The following GRM5 variants were observed in gnomAD, a reference collection of about 807,000 sequenced individuals.
The protein encoded by GRM5 is glutamate metabotropic receptor 5.
In GRM5, 19 loss-of-function variants were observed where a neutral mutation model predicts 83.1. The ratio of observed to expected loss-of-function variants is 0.23; its 90% CI spans 0.16 to 0.34. The LOEUF (loss-of-function observed/expected upper bound fraction) is 0.34, where lower values mean the gene tolerates loss of function less well. Among genes scored for constraint, GRM5 ranks in the 10% least tolerant of loss-of-function variants. The pLI is 1.00. For synonymous variants in GRM5, 675 were observed against 633.6 expected (o/e 1.07, Z -0.98); for missense variants, 1,160 against 1,588.3 (o/e 0.73, Z 4.58).
At chr11:88,948,561 C>A (rs1317448573) in intron 2 of GRM5, among the ~76,000 whole-genome samples, 4 of 152,084 alleles carry the variant, frequency 2.6e-5, no homozygotes, top group Admixed American at 2.0e-4. Flanking sequence ...TCTAACCTGG[C>A]GAAATGCAAG....
intron 2 of GRM5, among the ~76,000 whole-genome samples, chr11:89,011,819 T>C (rs1456143648): frequency 6.6e-6 from 1 of 152,200 alleles, no homozygotes; most frequent in Non-Finnish European, 1.5e-5. Context: ...ATAGATGCAA[T>C]TACTCTTAAT....
At chr11:89,050,161 A>T (rs1320943270) in intron 1 of GRM5, among the ~76,000 whole-genome samples, 2 of 152,208 alleles carry the variant, frequency 1.3e-5, no homozygotes, top group Non-Finnish European at 2.9e-5. Context: ...ATGTTAAAAC[A>T]CTAAGATATT....
chr11:88,784,203 G>A (rs1230677608), intron 3 of GRM5, among the ~76,000 whole-genome samples: 1 of 152,052 alleles, frequency 6.6e-6, no homozygotes, highest in East Asian at 1.9e-4. Context: ...GTGTTAGGCA[G>A]CAGCCTCATA....
intron 7 of GRM5, among the ~76,000 whole-genome samples, chr11:88,578,934 C>T (rs1943170362): frequency 6.6e-6 from 1 of 151,938 alleles, no homozygotes; most frequent in South Asian, 2.1e-4. Context: ...TTCACAATCA[C>T]TTCCATATTT....
rs57780254 is a variant in GRM5, at chr11:88,952,125, AAC to A, written c.661+95085_661+95086del. Reference sequence around the variant, plus strand: ...CTTCCACCATGTGCACATACAAACAAACACACACACACACACACACATTGCTA... The same window carrying A: ...CTTCCACCATGTGCACATACAAACAAACACACACACACACACACATTGCTA... On this transcript the variant is annotated intron_variant, in intron 2 of 9. Transcript: ENST00000305447. 8.9e-3 allele frequency among the ~76,000 whole-genome samples: 1,350 copies of A among 151,224 alleles called. 13 individuals are homozygous for A. The highest frequency in any genetic ancestry group is 0.024 in the African/African-American group (969 of 41,170).
intron 4 of GRM5, among the ~76,000 whole-genome samples, chr11:88,632,247 C>CT (rs35797493): frequency 0.57 from 62,726 of 110,916 alleles, 21,287 homozygotes; most frequent in South Asian, 0.79. Context: ...ACAGTATGTA[C>CT]TTTTTTTTTT....
rs142269100 is a variant in GRM5, at chr11:88,738,045, T to C, written c.912-84642A>G. On this transcript the variant is annotated intron_variant, in intron 3 of 9. Coordinates refer to ENST00000305447, the MANE Select transcript of GRM5 (RefSeq NM_001143831.3). ...ATCTAGTGAAAATAGATTTTTAAAATTCATGTATTCAGAGAGTATTTTTTG... is the reference window on the plus strand; with the variant it reads ...ATCTAGTGAAAATAGATTTTTAAAACTCATGTATTCAGAGAGTATTTTTTG... 1.9e-4 allele frequency among the ~76,000 whole-genome samples: 25 copies of C among 130,072 alleles called. No individual in the cohort carries two copies. The East Asian group carries it at 5.3e-3, about 28-fold the overall frequency. 85.3% of individuals were successfully genotyped at this position (130,072 alleles called of 152,430 possible). A position where few individuals can be genotyped will look rare whatever the true frequency, so the allele number is the denominator to read the frequency against.
chr11:89,064,880 CTCTCTCTCTG>C (rs1343312525), intron 1 of GRM5, among the ~76,000 whole-genome samples: 13 of 59,426 alleles, frequency 2.2e-4, no homozygotes, highest in Admixed American at 1.2e-3. Flanking sequence ...CTCTCTCTCT[CTCTCTCTCTG>C]TGTGTGTGTG....
chr11:88,709,252 G>C (rs1388807279), intron 3 of GRM5, among the ~76,000 whole-genome samples: 4 of 151,990 alleles, frequency 2.6e-5, no homozygotes, highest in Non-Finnish European at 5.9e-5. Context: ...AGCCATGTAA[G>C]GGATCATGTT....
At chr11:88,558,141 A>G (rs968777262) in intron 8 of GRM5, among the ~76,000 whole-genome samples, 5 of 152,158 alleles carry the variant, frequency 3.3e-5, no homozygotes, top group Non-Finnish European at 7.4e-5. Flanking sequence ...TGATTATTCT[A>G]AAAACTCTGG....
intron 9 of GRM5, 33 bp from the exon 10 acceptor site, chr11:88,509,537 G>A: frequency 6.4e-7 from 1 of 1,557,082 alleles, no homozygotes; most frequent in Non-Finnish European, 8.8e-7. Flanking sequence ...AGGTGACTCA[G>A]CGAGGTGCCC....
Position 88,906,347 on chromosome 11 carries a change from A to C in GRM5, c.662-56192T>G, listed in dbSNP as rs190595875. Among the ~76,000 whole-genome samples the C allele has an allele frequency of 4.4e-3, 673 of 152,280 alleles. 3 individuals carry two copies. The highest frequency in any genetic ancestry group is 0.025 in the South Asian group (121 of 4,822). ...GTAAGACATAGATTATTACTTTATT[A>C]GCCCTCCCCAAATTTTGAGGACATT... On this transcript the variant is annotated intron_variant, in intron 2 of 9. Coordinates refer to ENST00000305447, the MANE Select transcript of GRM5 (RefSeq NM_001143831.3).
chr11:89,008,607 A>G (rs926875449), intron 2 of GRM5, among the ~76,000 whole-genome samples: 3 of 152,270 alleles, frequency 2.0e-5, no homozygotes, highest in East Asian at 1.9e-4. Flanking sequence ...AAAGAACACA[A>G]TCATGTTGTT....
intron 2 of GRM5, among the ~76,000 whole-genome samples, chr11:89,008,428 T>C (rs1355487292): frequency 2.0e-5 from 3 of 152,150 alleles, no homozygotes. Flanking sequence ...TCCTGCAAAA[T>C]TGTTTTACCA....
intron 2 of GRM5, among the ~76,000 whole-genome samples, chr11:88,916,577 G>C (rs1197558916): frequency 6.6e-6 from 1 of 152,180 alleles, no homozygotes; most frequent in South Asian, 2.1e-4. Context: ...AAACTAGAAA[G>C]GCTGCCTAGA....
chr11:88,573,018 A>T (rs1211627612), intron 7 of GRM5, among the ~76,000 whole-genome samples: 1 of 152,198 alleles, frequency 6.6e-6, no homozygotes, highest in Non-Finnish European at 1.5e-5. Context: ...AGAAATGCAG[A>T]TGAAACATGG....
intron 2 of GRM5, among the ~76,000 whole-genome samples, chr11:88,926,661 T>A (rs544122733): frequency 7.2e-4 from 110 of 152,330 alleles, no homozygotes; most frequent in Non-Finnish European, 1.3e-3. Context: ...AAAATGACTG[T>A]TTTTGATTTG....
intron 2 of GRM5, among the ~76,000 whole-genome samples, chr11:88,908,486 AAT>A (rs1945440284): frequency 6.6e-6 from 1 of 152,054 alleles, no homozygotes; most frequent in Admixed American, 6.6e-5. Flanking sequence ...TAGCCCCCAG[AAT>A]ATATCTTTCT....
chr11:88,678,743 G>C (rs1940400048), intron 3 of GRM5, among the ~76,000 whole-genome samples: 1 of 152,088 alleles, frequency 6.6e-6, no homozygotes, highest in South Asian at 2.1e-4. Flanking sequence ...CTACTCTGAG[G>C]CTACAAAGAA....
Sources: gnomAD v4.1 joint callset for allele counts (sites outside exome capture counted in the v4.1 genomes callset) on GRCh38, gnomAD v4.1.1 for gene constraint, MANE v1.5 for transcripts, NCBI Gene and HGNC (gene_info 2026-07-23, HGNC 2026-07-21) for gene names.